Variants in GRID2 observed in about 807,000 individuals in gnomAD.
GRID2 encodes the protein glutamate receptor ionotropic, delta-2.
In GRID2, 33 loss-of-function variants were observed where a neutral mutation model predicts 114.8. The observed-to-expected ratio is 0.29, with a 90% CI of 0.22 to 0.38. The LOEUF (loss-of-function observed/expected upper bound fraction) is 0.38, where lower values mean the gene tolerates loss of function less well. GRID2 is among the 10% of genes least tolerant of loss of function. The pLI is 1.00. For missense variants in GRID2, 1,184 were observed against 1,257.7 expected (o/e 0.94, Z 0.89); for synonymous variants, 505 against 449.9 (o/e 1.12, Z -1.55).
At chr4:92,384,577 A>ATATATTATATATAATATATAAT (rs1560599086) in intron 1 of GRID2, among the ~76,000 whole-genome samples, 3 of 49,802 alleles carry the variant, frequency 6.0e-5, no homozygotes, top group African/African-American at 1.9e-4. Flanking sequence ...TAATATATAA[A>ATATATTATATATAATATATAAT]ATATATTATA....
intron 2 of GRID2, among the ~76,000 whole-genome samples, chr4:92,898,294 CAA>C (rs1366358380): frequency 3.3e-5 from 5 of 151,988 alleles, no homozygotes; most frequent in African/African-American, 1.2e-4. Context: ...GCCAGAAAAA[CAA>C]AGAAATATAG....
At chr4:92,385,756 A>C (rs2110248918) in intron 1 of GRID2, among the ~76,000 whole-genome samples, 1 of 151,630 alleles carries the variant, frequency 6.6e-6, no homozygotes, top group African/African-American at 2.4e-5. Flanking sequence ...TACATTTGTA[A>C]TATACCTTTG....
At chr4:92,922,163 C>T (rs1749407576) in intron 2 of GRID2, among the ~76,000 whole-genome samples, 1 of 152,206 alleles carries the variant, frequency 6.6e-6, no homozygotes. Context: ...GGGATATAAT[C>T]TCGTGGTGTG....
chr4:92,420,773 C>G (rs1439984931), intron 1 of GRID2, among the ~76,000 whole-genome samples: 1 of 152,128 alleles, frequency 6.6e-6, no homozygotes, highest in African/African-American at 2.4e-5. Context: ...CAACATCCAC[C>G]TTCTGGGTTC....
At chr4:93,778,796 A>G (rs62319428), downstream of GRID2, among the ~76,000 whole-genome samples, 4,953 of 152,246 alleles carry the variant, frequency 0.033, 128 homozygotes, top group Non-Finnish European at 0.047. Context: ...CTTTGAACAT[A>G]CCTGATTGAC....
At chr4:92,889,964 C>T (rs1320215787) in intron 2 of GRID2, among the ~76,000 whole-genome samples, 1 of 152,126 alleles carries the variant, frequency 6.6e-6, no homozygotes, top group Non-Finnish European at 1.5e-5. Flanking sequence ...TAAAGCCACA[C>T]ATTTACAACC....
At chr4:93,061,681 G>C (rs1425799597) in intron 2 of GRID2, among the ~76,000 whole-genome samples, 2 of 152,130 alleles carry the variant, frequency 1.3e-5, no homozygotes, top group Non-Finnish European at 2.9e-5. Flanking sequence ...TGAAAACTAA[G>C]CAGAGATACA....
At chr4:93,134,500 T>G (rs1735065277) in intron 4 of GRID2, among the ~76,000 whole-genome samples, 1 of 152,130 alleles carries the variant, frequency 6.6e-6, no homozygotes, top group Non-Finnish European at 1.5e-5. Flanking sequence ...TATCACAACA[T>G]GAAACCTCTT....
At chr4:93,314,163 G>A (rs971574609) in intron 8 of GRID2, among the ~76,000 whole-genome samples, 4 of 151,874 alleles carry the variant, frequency 2.6e-5, no homozygotes, top group African/African-American at 9.7e-5. Flanking sequence ...AAATTAGCCA[G>A]GCATGATGGC....
chr4:92,517,203 G>A (rs1164181748), intron 1 of GRID2, among the ~76,000 whole-genome samples: 1 of 143,128 alleles, frequency 7.0e-6, no homozygotes, highest in Non-Finnish European at 1.6e-5. Flanking sequence ...TCAGCAAGAC[G>A]GCTCCTACTC....
intron 14 of GRID2, among the ~76,000 whole-genome samples, chr4:93,628,717 G>C (rs1233799972): frequency 6.6e-6 from 1 of 151,196 alleles, no homozygotes; most frequent in South Asian, 2.1e-4. Flanking sequence ...ATGGTTAATT[G>C]GCTTTTTCAT....
chr4:93,522,309 C>T (rs551001972), intron 13 of GRID2, among the ~76,000 whole-genome samples: 1 of 152,238 alleles, frequency 6.6e-6, no homozygotes, highest in South Asian at 2.1e-4. Context: ...ATAGGAATGG[C>T]TGTCCTGGAG....
rs548946588 is a variant in GRID2, at chr4:92,609,953, T to A, written c.244+19667T>A. ...AAATGTATGTGGATTATCACTATTA[T>A]CTGTTACCATAATTTAATAAACTTT... On this transcript the variant is annotated intron_variant, in intron 2 of 15. Transcript: ENST00000282020. Among the ~76,000 whole-genome samples, 5 of 151,886 alleles carry A rather than the reference T, an allele frequency of 3.3e-5. 1 individual carries two copies. The highest frequency in any genetic ancestry group is 1.2e-4 in the African/African-American group (5 of 41,522).
intron 2 of GRID2, among the ~76,000 whole-genome samples, chr4:92,659,602 G>A (rs751505474): frequency 5.3e-5 from 8 of 151,408 alleles, no homozygotes; most frequent in Non-Finnish European, 8.9e-5. Flanking sequence ...TTTCTAAGAT[G>A]TACTCTTCCT....
intron 1 of GRID2, among the ~76,000 whole-genome samples, chr4:93,783,714 G>A (rs1333400795): frequency 2.0e-5 from 3 of 152,076 alleles, no homozygotes; most frequent in African/African-American, 7.2e-5. Context: ...TGCTAATGGT[G>A]GTGTTAGTGA....
chr4:92,867,358 A>G (rs1447044705), intron 2 of GRID2, among the ~76,000 whole-genome samples: 1 of 152,134 alleles, frequency 6.6e-6, no homozygotes, highest in African/African-American at 2.4e-5. Context: ...TCAAGGAAGA[A>G]AGCTAGAGTG....
chr4:93,251,712 A>T (rs1023416736), intron 8 of GRID2, among the ~76,000 whole-genome samples: 7 of 152,084 alleles, frequency 4.6e-5, no homozygotes, highest in Non-Finnish European at 1.0e-4. Flanking sequence ...CCCTCTATGA[A>T]TACACGTGGT....
intron 14 of GRID2, among the ~76,000 whole-genome samples, chr4:93,664,281 T>A (rs1723760731): frequency 6.6e-6 from 1 of 152,216 alleles, no homozygotes; most frequent in Non-Finnish European, 1.5e-5. Context: ...TAATAGCCAG[T>A]GCCAGGGCTT....
In GRID2 at chr4:93,085,074, G is replaced by A. The variant is rs775635225; in HGVS notation, c.324G>A (p.Leu108=). The change falls in exon 3 of 16, where the codon TTG becomes TTA. Residue 108 remains leucine (L), a synonymous_variant. Coordinates refer to ENST00000282020, the MANE Select transcript of GRID2 (RefSeq NM_001510.4). ...GCTSAGSLQS[L]ADAMHIPHLF... Reference sequence around the variant, plus strand: ...CGTCAGCAGGATCCCTCCAGTCTTTGGCAGACGCCATGCATATCCCCCACC... The same window carrying A: ...CGTCAGCAGGATCCCTCCAGTCTTTAGCAGACGCCATGCATATCCCCCACC... 3 of 1,614,102 alleles carry A rather than the reference G, an allele frequency of 1.9e-6. No homozygotes were observed. In the Admixed American group the frequency reaches 5.0e-5, roughly 27 times the overall value.
Sources: allele counts gnomAD v4.1 joint callset (sites outside exome capture counted in the v4.1 genomes callset), GRCh38; gene constraint gnomAD v4.1.1; transcripts MANE v1.5; gene names NCBI Gene and HGNC (gene_info 2026-07-23, HGNC 2026-07-21).